The following TACC2 variants were observed in gnomAD, a reference collection of about 807,000 sequenced individuals.
TACC2 encodes the protein transforming acidic coiled-coil containing protein 2.
In TACC2, 137 loss-of-function variants were observed where a neutral mutation model predicts 227.3. The ratio of observed to expected loss-of-function variants is 0.60; its 90% confidence interval spans 0.52 to 0.69. TACC2 has a LOEUF of 0.69. Ranked by LOEUF, TACC2 falls within the 30% of genes least tolerant of loss-of-function variation. The probability of loss-of-function intolerance (pLI) is 0.00; values close to 1 mark genes in which losing one functional copy is unlikely to be tolerated. For synonymous variants in TACC2, 1,523 were observed against 1,487.5 expected, an observed-to-expected ratio of 1.02 and a Z score of -0.55; for missense variants, 3,470 against 3,694.4, an observed-to-expected ratio of 0.94 and a Z score of 1.57.
rs372596331 is a variant in TACC2, at chr10:122,228,021, G to C, written c.7896+13G>C. 3.7e-6 allele frequency: 6 copies of C among 1,609,746 alleles called. No homozygotes were observed. The South Asian group carries it at 5.5e-5, about 15-fold the overall frequency. The stretch of plus-strand genomic sequence containing the variant: ...AGCGATTGAAATTGTAAGTGGAGTT[G>C]GAGGGCCCCAGATCACAGGGGATGA... On this transcript the variant is annotated intron_variant, in intron 14 of 22. Transcript: ENST00000369005.
intron 1 of TACC2, among the ~76,000 whole-genome samples, chr10:122,014,303 G>A (rs113605727): frequency 0.029 from 4,442 of 151,328 alleles, 82 homozygotes; most frequent in Middle Eastern, 0.065. Flanking sequence ...TCCGCCTAGC[G>A]AGTTCAAGCG....
chr10:122,114,842 C>G (rs932521985), intron 5 of TACC2, among the ~76,000 whole-genome samples: 2 of 152,064 alleles, frequency 1.3e-5, no homozygotes, highest in Non-Finnish European at 2.9e-5. Flanking sequence ...GGATTAGCCC[C>G]TTGTCTCTCC....
At chr10:122,172,443 G>A (rs1007493583) in intron 7 of TACC2, among the ~76,000 whole-genome samples, 4 of 152,106 alleles carry the variant, frequency 2.6e-5, no homozygotes, top group African/African-American at 9.7e-5. Flanking sequence ...ACATTCCAAG[G>A]GGCTCCAGCC....
intron 1 of TACC2, among the ~76,000 whole-genome samples, chr10:122,011,005 CA>C (rs1955850416): frequency 6.6e-6 from 1 of 152,172 alleles, no homozygotes; most frequent in Non-Finnish European, 1.5e-5. Context: ...GCCATGAAAA[CA>C]AGGGAATATG....
chr10:122,196,255 G>A (rs534920839), intron 8 of TACC2, among the ~76,000 whole-genome samples: 5 of 152,238 alleles, frequency 3.3e-5, no homozygotes, highest in South Asian at 4.1e-4. Flanking sequence ...CGAGCAGCCC[G>A]TTGTTTTGGA....
At chr10:122,169,001 GACTGAT>G (rs2093339358) in intron 7 of TACC2, among the ~76,000 whole-genome samples, 1 of 152,208 alleles carries the variant, frequency 6.6e-6, no homozygotes, top group Non-Finnish European at 1.5e-5. Context: ...ATTGTTCATG[GACTGAT>G]GCTTTGTTTC....
At chr10:122,115,733 A>G (rs1375495334) in intron 5 of TACC2, among the ~76,000 whole-genome samples, 1 of 151,894 alleles carries the variant, frequency 6.6e-6, no homozygotes, top group Non-Finnish European at 1.5e-5. Flanking sequence ...GTGTGTGTGT[A>G]TGTGCATATG....
At chr10:122,095,698 A>G (rs1057227262) in intron 5 of TACC2, among the ~76,000 whole-genome samples, 2 of 152,200 alleles carry the variant, frequency 1.3e-5, no homozygotes, top group African/African-American at 4.8e-5. Flanking sequence ...TTCTCTTACT[A>G]GCCAGGTGGA....
intron 1 of TACC2, among the ~76,000 whole-genome samples, chr10:121,999,870 G>A (rs921669976): frequency 2.0e-5 from 3 of 152,226 alleles, no homozygotes; most frequent in African/African-American, 7.2e-5. Flanking sequence ...GATACCAGGA[G>A]TTCAGGAAGT....
chr10:122,194,364 G>A lies in TACC2; in HGVS notation c.5835-676G>A, dbSNP rs1300064161. Among the ~76,000 whole-genome samples, 4 of 152,148 alleles carry A rather than the reference G, an allele frequency of 2.6e-5. No individual in the cohort carries two copies. Among genetic ancestry groups the A allele is most frequent in the African/African-American group, 4.8e-5 (2 of 41,444 alleles). On this transcript the variant is annotated intron_variant, in intron 7 of 22. Transcript: ENST00000369005. This position sits in a 1 kb window ranked among gnomAD's most constrained non-coding sequence, Gnocchi z 4.4. ...AGAACAGACTTTCCTGCAGACCAGCGAGGGCCATTTTCACTGTGTCGGGGT... is the reference window on the plus strand; with the variant it reads ...AGAACAGACTTTCCTGCAGACCAGCAAGGGCCATTTTCACTGTGTCGGGGT...
At chr10:122,093,101 T>A (rs140629010) in intron 5 of TACC2, among the ~76,000 whole-genome samples, 11,563 of 151,948 alleles carry the variant, frequency 0.076, 549 homozygotes, top group Middle Eastern at 0.17. Context: ...CTCTCTCTTT[T>A]TTTTTTTTTT....
At chr10:122,008,020 G>A (rs984663164) in intron 1 of TACC2, among the ~76,000 whole-genome samples, 5 of 152,084 alleles carry the variant, frequency 3.3e-5, no homozygotes, top group African/African-American at 9.7e-5. Flanking sequence ...AGCCCTCACC[G>A]CGTGTGGCTC....
At chr10:122,201,764 C>T (rs143611806) in intron 8 of TACC2, among the ~76,000 whole-genome samples, 25 of 152,226 alleles carry the variant, frequency 1.6e-4, no homozygotes, top group Admixed American at 6.5e-4. Flanking sequence ...AACCAAGCAC[C>T]GCAGGTGTTG....
chr10:122,011,831 T>G (rs1269737607), intron 1 of TACC2, among the ~76,000 whole-genome samples: 1 of 152,204 alleles, frequency 6.6e-6, no homozygotes, highest in Non-Finnish European at 1.5e-5. Context: ...TGGATTCCAG[T>G]GCAAAGAGTC....
At chr10:122,133,527 C>CTG (rs138640040) in intron 6 of TACC2, among the ~76,000 whole-genome samples, 2 of 152,138 alleles carry the variant, frequency 1.3e-5, no homozygotes, top group Admixed American at 6.5e-5. Flanking sequence ...ACACACATGT[C>CTG]TGTGTGTGTG....
intron 3 of TACC2, among the ~76,000 whole-genome samples, chr10:122,062,368 G>A (rs2076932540): frequency 6.6e-6 from 1 of 151,350 alleles, no homozygotes; most frequent in African/African-American, 2.4e-5. Flanking sequence ...GTACAATGAC[G>A]CCATCTTGGC....
chr10:122,054,829 A>C (rs1423888536), intron 3 of TACC2, among the ~76,000 whole-genome samples: 3 of 152,140 alleles, frequency 2.0e-5, no homozygotes, highest in African/African-American at 7.2e-5. Flanking sequence ...GATCTCCCAA[A>C]CAAGGCTTTG....
intron 1 of TACC2, among the ~76,000 whole-genome samples, chr10:122,014,395 G>A (rs936269324): frequency 2.6e-5 from 4 of 152,066 alleles, no homozygotes; most frequent in Non-Finnish European, 4.4e-5. Context: ...ATTTTTAGTA[G>A]AGATGGCATT....
At chr10:122,240,132 G>C (rs143204717) in intron 18 of TACC2, among the ~76,000 whole-genome samples, 1 of 152,306 alleles carries the variant, frequency 6.6e-6, no homozygotes, top group African/African-American at 2.4e-5. Flanking sequence ...TAGGGTCATT[G>C]TGAGGGTAAA....
Sources: gnomAD v4.1 joint callset for allele counts (sites outside exome capture counted in the v4.1 genomes callset) on GRCh38, gnomAD v4.1.1 for gene constraint, Gnocchi (gnomAD v3.1) non-coding constraint, MANE v1.5 for transcripts, NCBI Gene and HGNC (gene_info 2026-07-23, HGNC 2026-07-21) for gene names.